Variants in ADGRB3 observed in about 807,000 individuals in gnomAD.
The protein encoded by ADGRB3 is brain-specific angiogenesis inhibitor 3.
ADGRB3 carries 37 observed loss-of-function variants against 193.4 expected under a neutral mutation model. The observed-to-expected ratio is 0.19, with a 90% CI of 0.15 to 0.25. The LOEUF (loss-of-function observed/expected upper bound fraction) is 0.25. Among genes scored for constraint, ADGRB3 ranks in the 10% least tolerant of loss-of-function variants. The pLI is 1.00. For missense variants in ADGRB3, 1,637 were observed against 1,852.9 expected (o/e 0.88, Z 2.14); for synonymous variants, 690 against 644.2 (o/e 1.07, Z -1.08).
chr6:69,212,615 G>T (rs1267471845), intron 17 of ADGRB3, among the ~76,000 whole-genome samples: 1 of 152,002 alleles, frequency 6.6e-6, no homozygotes, highest in Non-Finnish European at 1.5e-5. Context: ...CTGCTTGATT[G>T]TCCTGTTCCT....
intron 10 of ADGRB3, among the ~76,000 whole-genome samples, chr6:68,980,180 G>T (rs770837256): frequency 6.6e-6 from 1 of 151,418 alleles, no homozygotes; most frequent in Non-Finnish European, 1.5e-5. Context: ...CTGTTTCTAT[G>T]ATTCAAATCT....
chr6:68,772,413 G>A (rs1263817030), intron 3 of ADGRB3, among the ~76,000 whole-genome samples: 2 of 152,074 alleles, frequency 1.3e-5, no homozygotes, highest in Non-Finnish European at 2.9e-5. Context: ...TGCTTGAGAT[G>A]TTGTATGAGT....
intron 13 of ADGRB3, among the ~76,000 whole-genome samples, chr6:69,027,471 A>G (rs1002628788): frequency 6.6e-6 from 1 of 152,220 alleles, no homozygotes; most frequent in Non-Finnish European, 1.5e-5. Context: ...CCCTAAAATA[A>G]TGGTAAAATG....
intron 20 of ADGRB3, among the ~76,000 whole-genome samples, chr6:69,277,285 G>A (rs192702754): frequency 7.2e-5 from 11 of 152,114 alleles, no homozygotes; most frequent in East Asian, 3.9e-4. Context: ...GAGCCATGGC[G>A]CCTGGCCCAC....
intron 3 of ADGRB3, among the ~76,000 whole-genome samples, chr6:68,720,950 GT>G (rs1417309600): frequency 2.0e-5 from 3 of 151,518 alleles, no homozygotes; most frequent in Non-Finnish European, 4.4e-5. Flanking sequence ...CTTTCTGAAA[GT>G]TTTTTGTTCT....
chr6:69,334,328 TATACA>T (rs1768795937), intron 24 of ADGRB3, among the ~76,000 whole-genome samples: 2 of 152,244 alleles, frequency 1.3e-5, no homozygotes, highest in African/African-American at 4.8e-5. Flanking sequence ...TGTAATGATT[TATACA>T]ATAAGATAAT....
chr6:68,944,042 A>G (rs1767708249), intron 6 of ADGRB3, 48 bp downstream of exon 6: 2 of 1,552,216 alleles, frequency 1.3e-6, no homozygotes, highest in Non-Finnish European at 8.8e-7. Flanking sequence ...TGCTTTTTAT[A>G]TGATTCCTAG....
At chr6:68,843,275 A>T (rs1159634289) in intron 3 of ADGRB3, among the ~76,000 whole-genome samples, 1 of 152,052 alleles carries the variant, frequency 6.6e-6, no homozygotes, top group Non-Finnish European at 1.5e-5. Flanking sequence ...TATTTCAAAA[A>T]ACCCAAAGAG....
intron 17 of ADGRB3, among the ~76,000 whole-genome samples, chr6:69,208,411 A>G (rs1375784013): frequency 6.6e-6 from 1 of 152,168 alleles, no homozygotes; most frequent in African/African-American, 2.4e-5. Flanking sequence ...CAGCCAAACC[A>G]TTGGCTACAG....
At chr6:69,177,254 G>A (rs747446123) in intron 17 of ADGRB3, among the ~76,000 whole-genome samples, 1 of 152,016 alleles carries the variant, frequency 6.6e-6, no homozygotes, top group African/African-American at 2.4e-5. Flanking sequence ...TGAGATAAGT[G>A]TTTGGTGCTG....
At chr6:68,949,921 A>G (rs1216135545) in intron 6 of ADGRB3, among the ~76,000 whole-genome samples, 1 of 152,010 alleles carries the variant, frequency 6.6e-6, no homozygotes, top group Non-Finnish European at 1.5e-5. Context: ...TAGCCTTACC[A>G]TTATCATTTG....
At chr6:68,951,223 A>G (rs1767908650) in intron 6 of ADGRB3, among the ~76,000 whole-genome samples, 1 of 152,208 alleles carries the variant, frequency 6.6e-6, no homozygotes, top group African/African-American at 2.4e-5. Context: ...CCTCAGCCCC[A>G]TAACATTTCT....
chr6:68,713,999 A>G (rs1004942109), intron 3 of ADGRB3, among the ~76,000 whole-genome samples: 3 of 151,684 alleles, frequency 2.0e-5, no homozygotes, highest in African/African-American at 7.2e-5. Context: ...ATAGAAAAGG[A>G]TTAGTATGGA....
intron 11 of ADGRB3, among the ~76,000 whole-genome samples, chr6:69,013,262 G>A (rs1285475172): frequency 1.3e-5 from 2 of 152,040 alleles, no homozygotes. Flanking sequence ...TGTCCATTGT[G>A]AATGGAATAT....
At chr6:69,301,401 A>C (rs1767946174) in intron 20 of ADGRB3, among the ~76,000 whole-genome samples, 2 of 151,908 alleles carry the variant, frequency 1.3e-5, no homozygotes, top group African/African-American at 4.8e-5. Flanking sequence ...TTGCTGTTGC[A>C]GTGAGCTCAA....
chr6:68,739,812 C>T (rs1305780561), intron 3 of ADGRB3, among the ~76,000 whole-genome samples: 7 of 152,154 alleles, frequency 4.6e-5, no homozygotes. Flanking sequence ...CAAGCCATCA[C>T]ATAGTTAGCT....
At chr6:68,871,980 A>G (rs575114454) in intron 3 of ADGRB3, among the ~76,000 whole-genome samples, 19 of 152,240 alleles carry the variant, frequency 1.2e-4, no homozygotes, top group African/African-American at 3.8e-4. Context: ...AACTTTTGCT[A>G]AAATTTTGTG....
At chr6:69,282,732 A>C (rs189223279) in intron 20 of ADGRB3, among the ~76,000 whole-genome samples, 47 of 152,210 alleles carry the variant, frequency 3.1e-4, no homozygotes, top group Non-Finnish European at 5.0e-4. Context: ...GGGTGGGAAC[A>C]TGCATAACAA....
chr6:69,158,980 G>A (rs933217479), intron 17 of ADGRB3, among the ~76,000 whole-genome samples: 8 of 151,580 alleles, frequency 5.3e-5, no homozygotes, highest in East Asian at 3.9e-4. Flanking sequence ...AGCATCCAAC[G>A]CCCCCACCCC....
Sources: gnomAD v4.1 joint callset for allele counts (sites outside exome capture counted in the v4.1 genomes callset) on GRCh38, gnomAD v4.1.1 for gene constraint, MANE v1.5 for transcripts, NCBI Gene and HGNC (gene_info 2026-07-23, HGNC 2026-07-21) for gene names.